Variants in ADAMTS6 observed in about 807,000 individuals in gnomAD.
ADAMTS6 encodes ADAM metallopeptidase with thrombospondin type 1 motif 6, also known as A disintegrin and metalloproteinase with thrombospondin motifs 6.
In ADAMTS6, 23 loss-of-function variants were observed where a neutral mutation model predicts 144.3. The observed-to-expected ratio is 0.16, with a 90% confidence interval of 0.11 to 0.23. The LOEUF (loss-of-function observed/expected upper bound fraction) is 0.23. ADAMTS6 is among the 10% of genes least tolerant of loss of function. ADAMTS6 has a pLI of 1.00. For missense variants in ADAMTS6, 999 were observed against 1,379.6 expected (o/e 0.72, Z 4.37); for synonymous variants, 444 against 457.5 (o/e 0.97, Z 0.38).
intron 14 of ADAMTS6, among the ~76,000 whole-genome samples, chr5:65,249,617 T>C (rs1759971635): frequency 6.6e-6 from 1 of 152,222 alleles, no homozygotes; most frequent in Admixed American, 6.5e-5. Flanking sequence ...TTCTGCCTTA[T>C]GCCCCTCAGT....
chr5:65,336,051 C>A (rs1327587500), intron 7 of ADAMTS6, among the ~76,000 whole-genome samples: 1 of 151,996 alleles, frequency 6.6e-6, no homozygotes, highest in African/African-American at 2.4e-5. Context: ...TTCAGAGAGG[C>A]TGAAACATTG....
intron 11 of ADAMTS6, among the ~76,000 whole-genome samples, chr5:65,276,994 C>T (rs1762594316): frequency 6.6e-6 from 1 of 152,176 alleles, no homozygotes; most frequent in Admixed American, 6.5e-5. Context: ...TTAGAATCCC[C>T]TTGATAATCC....
chr5:65,472,198 T>A (rs895397797), intron 2 of ADAMTS6, among the ~76,000 whole-genome samples: 1 of 152,176 alleles, frequency 6.6e-6, no homozygotes. Context: ...ATGCCACATA[T>A]CATTGCATTT....
chr5:65,468,609 A>C (rs1760206203), intron 3 of ADAMTS6, among the ~76,000 whole-genome samples: 1 of 152,172 alleles, frequency 6.6e-6, no homozygotes, highest in South Asian at 2.1e-4. Flanking sequence ...CAAATAATCA[A>C]ACTTAGTTAA....
In ADAMTS6 at chr5:65,346,857, T is replaced by C. The variant is rs1445253995; in HGVS notation, c.1074-12772A>G. ...TAACATAAATTCGGTAAATACGGAA[T>C]ACAAAATCAATGTAAAAAGACTAGT... On this transcript the variant is annotated intron_variant, in intron 7 of 24. Transcript: ENST00000381055. Among the ~76,000 whole-genome samples, 3 of 151,238 alleles carry C rather than the reference T, an allele frequency of 2.0e-5. No individual in the cohort carries two copies. The East Asian group carries it at 5.8e-4, about 29-fold the overall frequency.
chr5:65,220,080 T>C (rs760232366), intron 18 of ADAMTS6, among the ~76,000 whole-genome samples: 1 of 152,190 alleles, frequency 6.6e-6, no homozygotes, highest in Non-Finnish European at 1.5e-5. Flanking sequence ...ATATGCATTC[T>C]TCTCAAGTGC....
intron 3 of ADAMTS6, among the ~76,000 whole-genome samples, chr5:65,466,931 A>T (rs1760062743): frequency 6.6e-6 from 1 of 151,800 alleles, no homozygotes; most frequent in African/African-American, 2.4e-5. Flanking sequence ...AGTCCCAGCT[A>T]CTCGGGAGGC....
rs188366264 is a variant in ADAMTS6 at position 65,466,291 on chromosome 5, G to A, written c.462+4487C>T. 2.8e-4 allele frequency among the ~76,000 whole-genome samples: 43 copies of A among 152,074 alleles called. No individual in the cohort carries two copies. In the Middle Eastern group the frequency reaches 0.024, roughly 84 times the overall value. ...CTCCCTTTCTCTTGGCTACAGCCAC[G>A]TGACCTCCATGCTGTTCCTCAAACA... is the stretch of plus-strand genomic sequence containing the variant. On this transcript the variant is annotated intron_variant, in intron 3 of 24. Transcript: ENST00000381055.
At chr5:65,415,636 G>T (rs540432797) in intron 7 of ADAMTS6, 7 of 300,032 alleles carry the variant, frequency 2.3e-5, no homozygotes, top group South Asian at 3.1e-5. Context: ...GATTTTTTTC[G>T]GGGGCTCTCT....
intron 11 of ADAMTS6, among the ~76,000 whole-genome samples, chr5:65,280,197 C>T (rs759364208): frequency 1.3e-5 from 2 of 152,210 alleles, no homozygotes; most frequent in African/African-American, 2.4e-5. Context: ...TCCCAATCAG[C>T]TGATCCTTTG....
intron 10 of ADAMTS6, among the ~76,000 whole-genome samples, chr5:65,298,990 C>T (rs935159772): frequency 1.3e-5 from 2 of 151,886 alleles, no homozygotes; most frequent in Non-Finnish European, 2.9e-5. Context: ...AAACTTTGAA[C>T]AGAGCCAATT....
At chr5:65,182,460 A>G (rs999585986) in intron 22 of ADAMTS6, among the ~76,000 whole-genome samples, 2 of 151,722 alleles carry the variant, frequency 1.3e-5, no homozygotes, top group African/African-American at 4.8e-5. Flanking sequence ...AAAAAAAAAA[A>G]AAAAGAAGGA....
intron 1 of ADAMTS6, among the ~76,000 whole-genome samples, chr5:65,480,346 C>G (rs1231691641): frequency 1.3e-5 from 2 of 151,498 alleles, no homozygotes; most frequent in East Asian, 3.9e-4. Context: ...TTCGCCCAGA[C>G]AGAGGGTAAC....
At chr5:65,417,083 T>A (rs1580658671) in intron 7 of ADAMTS6, among the ~76,000 whole-genome samples, 1 of 152,060 alleles carries the variant, frequency 6.6e-6, no homozygotes, top group East Asian at 1.9e-4. Flanking sequence ...CATACACAAA[T>A]CAATAAATGT....
chr5:65,350,592 T>G (rs911292782), intron 7 of ADAMTS6, among the ~76,000 whole-genome samples: 5 of 152,146 alleles, frequency 3.3e-5, no homozygotes, highest in Non-Finnish European at 7.4e-5. Flanking sequence ...TTGTTTGCTT[T>G]AACCACATTA....
chr5:65,346,161 A>G (rs940866201), intron 7 of ADAMTS6, among the ~76,000 whole-genome samples: 3 of 151,940 alleles, frequency 2.0e-5, no homozygotes, highest in East Asian at 3.8e-4. Context: ...TTATCATGAT[A>G]TCAAAGCCAG....
chr5:65,187,792 C>G (rs567051541), intron 22 of ADAMTS6, among the ~76,000 whole-genome samples: 1 of 152,214 alleles, frequency 6.6e-6, no homozygotes, highest in Admixed American at 6.5e-5. Flanking sequence ...TTACTTTAGA[C>G]TTATTTTTAA....
rs1206023597 is a variant in ADAMTS6, at chr5:65,273,346, T to C, written c.1614A>G (p.Glu538=). 1 of 1,613,684 alleles carries C rather than the reference T, an allele frequency of 6.2e-7. No individual in the cohort carries two copies. Among genetic ancestry groups the C allele is most frequent in the African/African-American group, 1.3e-5 (1 of 74,928 alleles). Residue 538 remains glutamate, a synonymous_variant, in exon 12 of 25, where the codon GAA becomes GAG. Transcript: ENST00000381055. The part of the protein sequence containing the change: ...EGTLCQTGNI[E]KGWCYQGDCV... The stretch of plus-strand genomic sequence containing the variant: ...AGTAAATCATTGAGCTTACCCCTTT[T>C]TCAATATTCCCAGTTTGACACAGTG...
chr5:65,157,079 G>A (rs1202164712), intron 24 of ADAMTS6, among the ~76,000 whole-genome samples: 1 of 152,210 alleles, frequency 6.6e-6, no homozygotes, highest in Non-Finnish European at 1.5e-5. Flanking sequence ...AGGGCTGAAA[G>A]CCAGCCCCTA....
Sources: gnomAD v4.1 joint callset for allele counts (sites outside exome capture counted in the v4.1 genomes callset) on GRCh38, gnomAD v4.1.1 for gene constraint, MANE v1.5 for transcripts, NCBI Gene and HGNC (gene_info 2026-07-23, HGNC 2026-07-21) for gene names.